DSEL: variants seen among roughly 807,000 people sequenced by gnomAD.
DSEL encodes the protein dermatan sulfate epimerase like.
In DSEL, 61 loss-of-function variants were observed where a neutral mutation model predicts 96.6. That is an observed-to-expected ratio of 0.63 (90% CI 0.51 to 0.78). DSEL has a LOEUF of 0.78. Among genes scored for constraint, DSEL ranks in the 30% least tolerant of loss-of-function variants. The pLI, the probability that DSEL is intolerant of heterozygous loss-of-function variation, is 0.00. For synonymous variants in DSEL, 514 were observed against 502.0 expected (o/e 1.02, Z -0.32); for missense variants, 1,320 against 1,430.8 (o/e 0.92, Z 1.25).
In DSEL at chr18:67,510,948, A is replaced by G. The variant is rs746316009; in HGVS notation, c.*22T>C. On this transcript the variant is annotated 3_prime_UTR_variant, in exon 2 of 2. Coordinates refer to ENST00000310045, the MANE Select transcript of DSEL (RefSeq NM_032160.3). ...TGGGTTGGTAAGTATTATTAGTGCA[A>G]ATTTCTGCTGACCTGCAGCATTTAG... 1.3e-6 allele frequency: 2 copies of G among 1,539,110 alleles called. No homozygotes were observed. The highest frequency in any genetic ancestry group is 1.7e-6 in the Non-Finnish European group (2 of 1,149,136).
rs771875702 is a variant in DSEL, at chr18:67,511,406, T to C, written c.3203A>G (p.Lys1068Arg). ...LAKLFKIEGG[K>R]GKCNLNSGYA... ...ACCCGAATTTAAGTTACATTTGCCT[T>C]TACCTCCCTCTATTTTAAACAATTT... The change falls in exon 2 of 2, where the codon AAA (lysine) becomes AGA (arginine). Residue 1068 changes from lysine (K) to arginine (R), a missense_variant. This residue lies in a region of DSEL where 986 missense variants were observed against 1,066.4 expected (regional missense o/e 0.92). Coordinates refer to ENST00000310045, the MANE Select transcript of DSEL (RefSeq NM_032160.3). 1.2e-6 allele frequency: 2 copies of C among 1,603,792 alleles called. No individual in the cohort carries two copies. The highest frequency in any genetic ancestry group is 1.7e-6 in the Non-Finnish European group (2 of 1,179,974).
At position 67,512,345 on chromosome 18, in the gene DSEL, A is replaced by T; in HGVS notation, c.2264T>A (p.Ile755Lys). The change falls in exon 2 of 2, where the codon ATA (isoleucine) becomes AAA (lysine). Residue 755 changes from isoleucine (I) to lysine (K), a missense_variant. Ile to Lys is a moderately radical substitution (Grantham distance 102). Coordinates refer to ENST00000310045, the MANE Select transcript of DSEL (RefSeq NM_032160.3). ...ITRFGLGTQAIVKPVRHDRII... is the reference protein window; with the variant it reads ...ITRFGLGTQAKVKPVRHDRII... ...CCTATCATGTCTTACAGGCTTTACT[A>T]TTGCTTGAGTGCCCAAACCAAATCG... The T allele has an allele frequency of 1.2e-6, 2 of 1,614,240 alleles. No homozygotes were observed. The highest frequency in any genetic ancestry group is 1.7e-6 in the Non-Finnish European group (2 of 1,180,048).
rs2089430245 is a variant in DSEL at position 67,509,601 on chromosome 18, A to C, written c.*1369T>G. On this transcript the variant is annotated 3_prime_UTR_variant, in exon 2 of 2. Transcript: ENST00000310045. ...TTTGACATAATAATAACTACTGAGAAAGAACCACTTTTATCTAGGTCAGAA... is the reference window on the plus strand; with the variant it reads ...TTTGACATAATAATAACTACTGAGACAGAACCACTTTTATCTAGGTCAGAA... The C allele has an allele frequency of 6.6e-6, 1 of 152,218 alleles. No homozygotes were observed. Among genetic ancestry groups the C allele is most frequent in the Non-Finnish European group, 1.5e-5 (1 of 68,048 alleles). 9.4% of individuals were successfully genotyped at this position (152,218 alleles called of 1,614,324 possible).
At position 67,514,609 on chromosome 18, in the gene DSEL, G is replaced by A; in HGVS notation, c.-1C>T. On this transcript the variant is annotated 5_prime_UTR_variant, in exon 2 of 2. Coordinates refer to ENST00000310045, the MANE Select transcript of DSEL (RefSeq NM_032160.3). ...AATGTCCTGTAAACATTAACGCCAT[G>A]ATCCATGGGGGAGCTCCTCCCTTAG... 6.2e-7 allele frequency: 1 copy of A among 1,613,752 alleles called. No homozygotes were observed. The highest frequency in any genetic ancestry group is 1.1e-5 in the South Asian group (1 of 90,984).
In DSEL at chr18:67,513,162, C is replaced by T. The variant is rs1205117134; in HGVS notation, c.1447G>A (p.Val483Ile). 3 of 1,614,190 alleles carry T rather than the reference C, an allele frequency of 1.9e-6. No individual in the cohort carries two copies. Among genetic ancestry groups the T allele is most frequent in the Admixed American group, 3.3e-5 (2 of 60,022 alleles). Residue 483 changes from valine (V) to isoleucine (I), a missense_variant, in exon 2 of 2, where the codon GTA (valine) becomes ATA (isoleucine). This residue lies in a region of DSEL where 986 missense variants were observed against 1,066.4 expected (regional missense o/e 0.92). Transcript: ENST00000310045. ...CCATAGAGAGCTTCAGAAACAAATA[C>T]TTGTCCATTGGGGGCAAAAGTAAAT... ...NSFTFAPNGQ[V>I]FVSEALYGPK...
rs1227005399 is a variant in DSEL, at chr18:67,508,140, G to C, written c.*2830C>G. On this transcript the variant is annotated 3_prime_UTR_variant, in exon 2 of 2. Coordinates refer to ENST00000310045, the MANE Select transcript of DSEL (RefSeq NM_032160.3). Reference sequence around the variant, plus strand: ...AGAAAAAGACGGATTTTACAGATAAGAAATTTTGTAAGTGTTTCTTTCAGA... The same window carrying C: ...AGAAAAAGACGGATTTTACAGATAACAAATTTTGTAAGTGTTTCTTTCAGA... 6.6e-6 allele frequency: 1 copy of C among 152,068 alleles called. No homozygotes were observed. Among genetic ancestry groups the C allele is most frequent in the Non-Finnish European group, 1.5e-5 (1 of 68,002 alleles). The allele number at this position is 152,068 out of a possible 1,614,324, so 9.4% of individuals were successfully genotyped here.
At position 67,511,337 on chromosome 18, in the gene DSEL, G is replaced by C; in HGVS notation, c.3272C>G (p.Ser1091Cys). The change falls in exon 2 of 2, where the codon TCC becomes TGC. Residue 1091 changes from serine to cysteine, a missense_variant. This residue lies in a region of DSEL where 986 missense variants were observed against 1,066.4 expected (regional missense o/e 0.92). Coordinates refer to ENST00000310045, the MANE Select transcript of DSEL (RefSeq NM_032160.3). Reference sequence around the variant, plus strand: ...CAAGAGGGACACTGCATTTGATTTGGATTTTGATAATTCTTTCCTCAATGG... The same window carrying C: ...CAAGAGGGACACTGCATTTGATTTGCATTTTGATAATTCTTTCCTCAATGG... ...YEPLRKELSK[S>C]KSNAVSLLSH... The C allele has an allele frequency of 6.2e-7, 1 of 1,605,374 alleles. No individual in the cohort carries two copies. Among genetic ancestry groups the C allele is most frequent in the Non-Finnish European group, 8.5e-7 (1 of 1,179,980 alleles).
Position 67,506,609 on chromosome 18 carries a change from G to A in DSEL, c.*4361C>T, listed in dbSNP as rs1446744129. 1 of 151,816 alleles carries A rather than the reference G, an allele frequency of 6.6e-6. No homozygotes were observed. Among genetic ancestry groups the A allele is most frequent in the Non-Finnish European group, 1.5e-5 (1 of 67,966 alleles). The allele number at this position is 151,816 out of a possible 1,614,324, so 9.4% of individuals were successfully genotyped here. A position where few individuals can be genotyped will look rare whatever the true frequency, so the allele number is the denominator to read the frequency against. On this transcript the variant is annotated 3_prime_UTR_variant, in exon 2 of 2. Coordinates refer to ENST00000310045, the MANE Select transcript of DSEL (RefSeq NM_032160.3). ...AAGTTGCTTTTAGCTTTTTATTTTTGTATTAACAGGAGTCTTATTACACAT... is the reference window on the plus strand; with the variant it reads ...AAGTTGCTTTTAGCTTTTTATTTTTATATTAACAGGAGTCTTATTACACAT...
In DSEL at chr18:67,512,090, T is replaced by C. The variant is rs142355970; in HGVS notation, c.2519A>G (p.Lys840Arg). The part of the protein sequence containing the change: ...KWTRTEAEGS[K>R]KSLSSEGHHM... ...GTGCCCTTCAGAAGACAAAGACTTCTTGCTTCCCTCAGCCTCTGTCCTTGT... is the reference window on the plus strand; with the variant it reads ...GTGCCCTTCAGAAGACAAAGACTTCCTGCTTCCCTCAGCCTCTGTCCTTGT... Residue 840 changes from lysine (K) to arginine (R), a missense_variant, in exon 2 of 2, where the codon AAG (lysine) becomes AGG (arginine). Physicochemically the swap from Lys to Arg is conservative, Grantham distance 26 (BLOSUM62 2). Around this residue, in one of 3 missense-constraint regions of DSEL, gnomAD observed 986 missense variants for 1,066.4 expected, o/e 0.92. Coordinates refer to ENST00000310045, the MANE Select transcript of DSEL (RefSeq NM_032160.3). 581 of 1,614,200 alleles carry C rather than the reference T, an allele frequency of 3.6e-4. 2 individuals are homozygous for C. The African/African-American group carries it at 6.8e-3, about 19-fold the overall frequency.
rs776589023 is a variant in DSEL, at chr18:67,510,999, G to A, written c.3610C>T (p.Arg1204Cys). 10 of 1,599,002 alleles carry A rather than the reference G, an allele frequency of 6.3e-6. No homozygotes were observed. The highest frequency in any genetic ancestry group is 2.2e-5 in the East Asian group (1 of 44,786). ...IENICWTLMD[R>C]LGYPKFMD ...TCCATAAACTTTGGATATCCTAGGC[G>A]ATCCATCAGAGTCCAGCAGATGTTT... is the stretch of plus-strand genomic sequence containing the variant. The change falls in exon 2 of 2, where the codon CGC becomes TGC. Residue 1204 changes from arginine (R) to cysteine (C), a missense_variant. This residue lies in a region of DSEL where 986 missense variants were observed against 1,066.4 expected (regional missense o/e 0.92). Coordinates refer to ENST00000310045, the MANE Select transcript of DSEL (RefSeq NM_032160.3).
Position 67,512,667 on chromosome 18 carries a change from T to C in DSEL, c.1942A>G (p.Ile648Val). Residue 648 changes from isoleucine to valine, a missense_variant, in exon 2 of 2, where the codon ATA (isoleucine) becomes GTA (valine). Coordinates refer to ENST00000310045, the MANE Select transcript of DSEL (RefSeq NM_032160.3). ...TCAGCAGCTTGCTCTGCTTCCTGTA[T>C]ACTGGCCATGGGACTATTGCCATGA... is the stretch of plus-strand genomic sequence containing the variant. ...DHHGNSPMAS[I>V]QEAEQAAEFK... 1 of 1,614,174 alleles carries C rather than the reference T, an allele frequency of 6.2e-7. No individual in the cohort carries two copies. The highest frequency in any genetic ancestry group is 8.5e-7 in the Non-Finnish European group (1 of 1,180,034).
chr18:67,511,918 G>T lies in DSEL; in HGVS notation c.2691C>A (p.Ile897=). 6.2e-7 allele frequency: 1 copy of T among 1,614,078 alleles called. No individual in the cohort carries two copies. The highest frequency in any genetic ancestry group is 8.5e-7 in the Non-Finnish European group (1 of 1,180,002). Residue 897 remains isoleucine (I), a synonymous_variant, in exon 2 of 2, where the codon ATC becomes ATA. Coordinates refer to ENST00000310045, the MANE Select transcript of DSEL (RefSeq NM_032160.3). The part of the protein sequence containing the change: ...YIDIPETELE[I]DSFVDACEWK... ...ATTCACAAGCATCTACAAATGAGTC[G>T]ATTTCCAACTCAGTTTCAGGAATAT...
At position 67,510,950 on chromosome 18, in the gene DSEL, T is replaced by C. The variant is rs534551177; in HGVS notation, c.*20A>G. 2 of 1,540,096 alleles carry C rather than the reference T, an allele frequency of 1.3e-6. No homozygotes were observed. Among genetic ancestry groups the C allele is most frequent in the East Asian group, 2.2e-5 (1 of 44,508 alleles). ...GGTTGGTAAGTATTATTAGTGCAAA[T>C]TTCTGCTGACCTGCAGCATTTAGTC... On this transcript the variant is annotated 3_prime_UTR_variant, in exon 2 of 2. Coordinates refer to ENST00000310045, the MANE Select transcript of DSEL (RefSeq NM_032160.3).
At position 67,516,127 on chromosome 18, in the gene DSEL, T is replaced by C. The variant is rs937659983; in HGVS notation, c.-885+234A>G. Among the ~76,000 whole-genome samples, 10 of 152,056 alleles carry C rather than the reference T, an allele frequency of 6.6e-5. No homozygotes were observed. The highest frequency in any genetic ancestry group is 2.2e-4 in the African/African-American group (9 of 41,420). ...GCCAGAGGGAGCTCGGACCCCGGTG[T>C]CGAAAGACGCCTCTCCGTGCCCGTC... On this transcript the variant is annotated intron_variant, in intron 1 of 1. Coordinates refer to ENST00000310045, the MANE Select transcript of DSEL (RefSeq NM_032160.3). The surrounding 1 kb of genome is among the most constrained non-coding windows in gnomAD (Gnocchi z 5.6).
Position 67,511,479 on chromosome 18 carries a change from T to C in DSEL, c.3130A>G (p.Ser1044Gly), listed in dbSNP as rs755894252. The change falls in exon 2 of 2, where the codon AGT (serine) becomes GGT (glycine). Residue 1044 changes from serine (S) to glycine (G), a missense_variant. Coordinates refer to ENST00000310045, the MANE Select transcript of DSEL (RefSeq NM_032160.3). ...TTCAAAGAATAAAGACTTGGTTTACTATTGTACAACATTGAATAAATCCAT... is the reference window on the plus strand; with the variant it reads ...TTCAAAGAATAAAGACTTGGTTTACCATTGTACAACATTGAATAAATCCAT... ...RAWIYSMLYN[S>G]KPSLYSLKNV... The C allele has an allele frequency of 3.1e-6, 5 of 1,611,530 alleles. No homozygotes were observed. Among genetic ancestry groups the C allele is most frequent in the Non-Finnish European group, 2.5e-6 (3 of 1,180,032 alleles).
chr18:67,514,225 T>C lies in DSEL; in HGVS notation c.384A>G (p.Leu128=). 6.2e-7 allele frequency: 1 copy of C among 1,614,198 alleles called. No homozygotes were observed. The highest frequency in any genetic ancestry group is 8.5e-7 in the Non-Finnish European group (1 of 1,180,034). ...CTGGGCATAACAAACAGTACAATGC[T>C]AAAGGAGGCAGATTGTTACCATAAA... The part of the protein sequence containing the change: ...NEIYGNNLPP[L]ALYCLLCPED... Residue 128 remains leucine (L), a synonymous_variant, in exon 2 of 2, where the codon TTA becomes TTG. Transcript: ENST00000310045.
rs962378033 is a variant in DSEL, at chr18:67,507,888, C to T, written c.*3082G>A. ...GCTTCTTTCTCCTGAGCAGATTTTC[C>T]TATTTCCTCTGAGTTTTCATTAAAT... On this transcript the variant is annotated 3_prime_UTR_variant, in exon 2 of 2. Transcript: ENST00000310045. 1.3e-5 allele frequency: 2 copies of T among 152,144 alleles called. No individual in the cohort carries two copies. Among genetic ancestry groups the T allele is most frequent in the African/African-American group, 4.8e-5 (2 of 41,426 alleles). 9.4% of individuals were successfully genotyped at this position (152,144 alleles called of 1,614,324 possible). A position where few individuals can be genotyped will look rare whatever the true frequency, so the allele number is the denominator to read the frequency against.
chr18:67,511,911 A>G lies in DSEL; in HGVS notation c.2698T>C (p.Phe900Leu). ...IPETELEIDS[F>L]VDACEWKVSD... ...ACCTTCCATTCACAAGCATCTACAA[A>G]TGAGTCGATTTCCAACTCAGTTTCA... Residue 900 changes from phenylalanine (F) to leucine (L), a missense_variant, in exon 2 of 2, where the codon TTT becomes CTT. Coordinates refer to ENST00000310045, the MANE Select transcript of DSEL (RefSeq NM_032160.3). The G allele has an allele frequency of 6.2e-7, 1 of 1,614,162 alleles. No individual in the cohort carries two copies. The highest frequency in any genetic ancestry group is 1.3e-5 in the African/African-American group (1 of 75,036).
In DSEL at chr18:67,513,331, G is replaced by A; in HGVS notation, c.1278C>T (p.Asn426=). Residue 426 remains asparagine, a synonymous_variant, in exon 2 of 2, where the codon AAC becomes AAT. Transcript: ENST00000310045. ...GVVTYGAGLP[N]TQTNTFVSFK... is the part of the protein sequence containing the mutation. The stretch of plus-strand genomic sequence containing the variant: ...AAGACACAAAGGTGTTGGTCTGTGT[G>A]TTTGGCAACCCAGCCCCATAAGTAA... 1.2e-6 allele frequency: 2 copies of A among 1,614,200 alleles called. No homozygotes were observed. The highest frequency in any genetic ancestry group is 1.6e-4 in the Middle Eastern group (1 of 6,062).
Sources: gnomAD v4.1 joint callset for allele counts (sites outside exome capture counted in the v4.1 genomes callset) on GRCh38, gnomAD v4.1.1 for gene constraint, gnomAD v4.1.1 regional missense constraint, Gnocchi (gnomAD v3.1) non-coding constraint, MANE v1.5 for transcripts, NCBI Gene and HGNC (gene_info 2026-07-23, HGNC 2026-07-21) for gene names.